The following PLCXD3 variants were observed in gnomAD, a reference collection of about 807,000 sequenced individuals.
PLCXD3 encodes the protein phosphatidylinositol specific phospholipase C X domain containing 3.
Under a neutral mutation model 25.5 loss-of-function variants are expected in PLCXD3, and 19 were observed. The ratio of observed to expected loss-of-function variants is 0.75; its 90% CI spans 0.52 to 1.09. PLCXD3 has a LOEUF of 1.09. Ranked by LOEUF, PLCXD3 falls within the 50% of genes least tolerant of loss-of-function variation. PLCXD3 has a pLI of 0.00. For synonymous variants in PLCXD3, 174 were observed against 137.6 expected, an observed-to-expected ratio of 1.26 and a Z score of -1.85; for missense variants, 411 against 388.1, an observed-to-expected ratio of 1.06 and a Z score of -0.50.
At chr5:41,488,617 C>T (rs1481647366) in intron 1 of PLCXD3, among the ~76,000 whole-genome samples, 1 of 146,046 alleles carries the variant, frequency 6.8e-6, no homozygotes, top group Non-Finnish European at 1.5e-5. Flanking sequence ...TAATGATTGC[C>T]ATTCTAACTG....
At chr5:41,371,163 C>A (rs541818188) in intron 2 of PLCXD3, among the ~76,000 whole-genome samples, 75 of 152,264 alleles carry the variant, frequency 4.9e-4, no homozygotes, top group African/African-American at 1.8e-3. Context: ...ACAGCCTCGA[C>A]TGTTTTAATG....
chr5:41,458,778 T>C (rs1046810839), intron 1 of PLCXD3, among the ~76,000 whole-genome samples: 1 of 151,988 alleles, frequency 6.6e-6, no homozygotes, highest in African/African-American at 2.4e-5. Flanking sequence ...GGCATCTGTT[T>C]AAGTAAATTA....
At chr5:41,314,242 TTGG>T (rs1271550832) in intron 2 of PLCXD3, among the ~76,000 whole-genome samples, 2 of 152,130 alleles carry the variant, frequency 1.3e-5, no homozygotes, top group African/African-American at 4.8e-5. Flanking sequence ...AGTACACAGT[TTGG>T]TGGTGGGTAG....
intron 1 of PLCXD3, among the ~76,000 whole-genome samples, chr5:41,466,132 T>C (rs1748013234): frequency 6.6e-6 from 1 of 152,050 alleles, no homozygotes; most frequent in Non-Finnish European, 1.5e-5. Flanking sequence ...TCCAAATAGA[T>C]TAAAAATTTT....
At chr5:41,499,055 G>A (rs1032147502) in intron 1 of PLCXD3, among the ~76,000 whole-genome samples, 2 of 151,382 alleles carry the variant, frequency 1.3e-5, no homozygotes, top group African/African-American at 2.4e-5. Flanking sequence ...ACTCAATAGT[G>A]AAAGTTTAAG....
At chr5:41,350,303 G>A (rs982810415) in intron 2 of PLCXD3, among the ~76,000 whole-genome samples, 6 of 152,098 alleles carry the variant, frequency 3.9e-5, no homozygotes, top group African/African-American at 7.2e-5. Flanking sequence ...AGTTCTATTT[G>A]CTACAGTTCC....
At chr5:41,335,258 A>T (rs1168768713) in intron 2 of PLCXD3, among the ~76,000 whole-genome samples, 22 of 152,216 alleles carry the variant, frequency 1.4e-4, no homozygotes, top group Non-Finnish European at 4.4e-5. Flanking sequence ...CTGTGATGAA[A>T]GGAAGTTTTA....
intron 1 of PLCXD3, among the ~76,000 whole-genome samples, chr5:41,443,278 T>C (rs1281767461): frequency 1.3e-5 from 2 of 151,988 alleles, no homozygotes; most frequent in Non-Finnish European, 2.9e-5. Flanking sequence ...TACAACTGCC[T>C]ACAGCATTCA....
intron 2 of PLCXD3, among the ~76,000 whole-genome samples, chr5:41,356,061 T>TC (rs1744609322): frequency 6.7e-6 from 1 of 150,324 alleles, no homozygotes; most frequent in African/African-American, 2.5e-5. Context: ...GGTCAGGAGT[T>TC]CGAGACCAGC....
intron 1 of PLCXD3, among the ~76,000 whole-genome samples, chr5:41,404,340 T>C (rs1490305560): frequency 3.3e-5 from 5 of 152,110 alleles, no homozygotes; most frequent in Non-Finnish European, 7.3e-5. Context: ...AGTACTATAA[T>C]ACTTACAATT....
intron 1 of PLCXD3, among the ~76,000 whole-genome samples, chr5:41,425,676 T>G (rs1011215475): frequency 2.0e-5 from 3 of 152,180 alleles, no homozygotes; most frequent in African/African-American, 7.2e-5. Flanking sequence ...CTGATCTTTT[T>G]ACTGTTTTCA....
At chr5:41,391,652 G>T (rs981674851) in intron 1 of PLCXD3, among the ~76,000 whole-genome samples, 2 of 152,142 alleles carry the variant, frequency 1.3e-5, no homozygotes, top group African/African-American at 4.8e-5. Flanking sequence ...TGGCTACTGG[G>T]CAAAATTCCT....
At chr5:41,428,217 T>C (rs2150507837) in intron 1 of PLCXD3, among the ~76,000 whole-genome samples, 1 of 152,252 alleles carries the variant, frequency 6.6e-6, no homozygotes, top group South Asian at 2.1e-4. Flanking sequence ...TTTATCTTTC[T>C]TATAAGCTCA....
intron 2 of PLCXD3, among the ~76,000 whole-genome samples, chr5:41,365,812 C>A (rs1044652770): frequency 6.6e-6 from 1 of 151,934 alleles, no homozygotes; most frequent in Non-Finnish European, 1.5e-5. Context: ...ATTCACTTTT[C>A]CTAAGTTACA....
In PLCXD3 at chr5:41,484,219, G is replaced by C. The variant is rs369814827; in HGVS notation, c.103+26205C>G. ...TTAAGTAAATTCTTGTACTCATAAA[G>C]TCTGTGACTTAAGATCCTGGAACAT... is the stretch of plus-strand genomic sequence containing the variant. On this transcript the variant is annotated intron_variant, in intron 1 of 2. Coordinates refer to ENST00000377801, the MANE Select transcript of PLCXD3 (RefSeq NM_001005473.3). Among the ~76,000 whole-genome samples the C allele has an allele frequency of 5.1e-4, 78 of 151,552 alleles. No homozygotes were observed. The South Asian group carries it at 8.2e-3, about 16-fold the overall frequency.
intron 2 of PLCXD3, among the ~76,000 whole-genome samples, chr5:41,323,904 T>A (rs1447549509): frequency 6.6e-6 from 1 of 152,158 alleles, no homozygotes. Context: ...CCAGCAAGCA[T>A]GATAAGTTCA....
chr5:41,496,069 C>T (rs1748830239), intron 1 of PLCXD3, among the ~76,000 whole-genome samples: 1 of 151,860 alleles, frequency 6.6e-6, no homozygotes, highest in Non-Finnish European at 1.5e-5. Flanking sequence ...AATGCAATAA[C>T]TGAACTGAAA....
intron 2 of PLCXD3, among the ~76,000 whole-genome samples, chr5:41,368,237 T>A (rs1406259357): frequency 2.6e-5 from 4 of 152,190 alleles, no homozygotes; most frequent in African/African-American, 9.6e-5. Flanking sequence ...GAATGGTAGT[T>A]CATTCATAAT....
intron 1 of PLCXD3, among the ~76,000 whole-genome samples, chr5:41,477,219 G>T (rs1414631156): frequency 3.3e-5 from 5 of 152,074 alleles, no homozygotes; most frequent in Non-Finnish European, 7.4e-5. Context: ...TACCCTAACA[G>T]TATAGAAATG....
Sources: allele counts gnomAD v4.1 joint callset (sites outside exome capture counted in the v4.1 genomes callset), GRCh38; gene constraint gnomAD v4.1.1; transcripts MANE v1.5; gene names NCBI Gene and HGNC (gene_info 2026-07-23, HGNC 2026-07-21).